Variants in EPHB1 observed in about 807,000 individuals in gnomAD.
EPHB1 encodes the protein ephrin type-B receptor 1.
A neutral mutation model predicts 94.4 loss-of-function variants in EPHB1; 30 were observed. The ratio of observed to expected loss-of-function variants is 0.32; its 90% CI spans 0.24 to 0.43. The LOEUF is 0.43. Ranked by LOEUF, EPHB1 falls within the 20% of genes least tolerant of loss-of-function variation. The pLI, the probability that EPHB1 is intolerant of heterozygous loss-of-function variation, is 1.00. For missense variants in EPHB1, 1,055 were observed against 1,308.3 expected (o/e 0.81, Z 2.99); for synonymous variants, 522 against 489.1 (o/e 1.07, Z -0.89).
chr3:135,174,714 C>T (rs1941925708), intron 9 of EPHB1, among the ~76,000 whole-genome samples: 1 of 151,990 alleles, frequency 6.6e-6, no homozygotes, highest in Non-Finnish European at 1.5e-5. Flanking sequence ...GGATGAAGTC[C>T]CTGTATGTAA....
intron 4 of EPHB1, among the ~76,000 whole-genome samples, chr3:135,106,964 A>G (rs897322846): frequency 2.0e-5 from 3 of 152,154 alleles, no homozygotes; most frequent in Non-Finnish European, 4.4e-5. Context: ...TATAGCTGAG[A>G]ATCTCCTATC....
intron 12 of EPHB1, among the ~76,000 whole-genome samples, chr3:135,203,377 A>G (rs1273250056): frequency 6.6e-6 from 1 of 152,192 alleles, no homozygotes; most frequent in East Asian, 1.9e-4. Flanking sequence ...ACAAACCTGC[A>G]TATTCTGTGT....
intron 5 of EPHB1, among the ~76,000 whole-genome samples, chr3:135,150,675 G>T (rs1271617688): frequency 2.0e-5 from 3 of 151,898 alleles, no homozygotes; most frequent in Non-Finnish European, 1.5e-5. Context: ...TCCTTCTCAG[G>T]CCTCTTTAGT....
At chr3:134,990,608 C>T (rs1023377477) in intron 3 of EPHB1, among the ~76,000 whole-genome samples, 15 of 152,174 alleles carry the variant, frequency 9.9e-5, no homozygotes, top group Admixed American at 8.5e-4. Context: ...CTGTCAGTAT[C>T]TGCAGAGAAT....
At chr3:135,252,705 A>C in intron 15 of EPHB1, among the ~76,000 whole-genome samples, 1 of 141,478 alleles carries the variant, frequency 7.1e-6, no homozygotes, top group African/African-American at 2.5e-5. Flanking sequence ...TAGCAGCATG[A>C]TTTATAGTCC....
chr3:135,196,444 G>A (rs972593466), intron 11 of EPHB1, among the ~76,000 whole-genome samples: 8 of 152,184 alleles, frequency 5.3e-5, no homozygotes, highest in African/African-American at 1.9e-4. Flanking sequence ...AGGAGTGGTG[G>A]GAGCAGGCAG....
intron 3 of EPHB1, among the ~76,000 whole-genome samples, chr3:135,007,877 G>T (rs973541774): frequency 6.6e-6 from 1 of 152,196 alleles, no homozygotes; most frequent in African/African-American, 2.4e-5. Flanking sequence ...AGGTCAGGAC[G>T]AAGGGCAGCA....
rs1932972598 is a variant in EPHB1 at position 135,249,476 on chromosome 3, C to T, written c.2831C>T (p.Thr944Ile). The change falls in exon 15 of 16, where the codon ACC becomes ATC. Residue 944 changes from threonine (T) to isoleucine (I), a missense_variant. Coordinates refer to ENST00000398015, the MANE Select transcript of EPHB1 (RefSeq NM_004441.5). ...GGCTTCACCTCCCTCCAGCTGGTCA[C>T]CCAGATGACATCAGAGTAAGTGATG... ...TAGFTSLQLV[T>I]QMTSEDLLRI... 2 of 1,613,752 alleles carry T rather than the reference C, an allele frequency of 1.2e-6. No homozygotes were observed. The highest frequency in any genetic ancestry group is 1.7e-6 in the Non-Finnish European group (2 of 1,179,726).
Position 134,795,604 on chromosome 3 carries a change from G to T in EPHB1, c.-28G>T, listed in dbSNP as rs201195964. 4.4e-6 allele frequency: 7 copies of T among 1,603,664 alleles called. No homozygotes were observed. In the Admixed American group the frequency reaches 8.4e-5, roughly 19 times the overall value. ...CTCCCGGCGCTGCTGCCTCGGCTTG[G>T]TCTCGGCCTGCGGGCCGTCGGCCGG... On this transcript the variant is annotated 5_prime_UTR_variant, in exon 1 of 16. Transcript: ENST00000398015.
At chr3:135,118,073 A>G (rs1379940795) in intron 4 of EPHB1, among the ~76,000 whole-genome samples, 1 of 152,188 alleles carries the variant, frequency 6.6e-6, no homozygotes, top group Non-Finnish European at 1.5e-5. Flanking sequence ...TGGTCAGCAA[A>G]GGGGAACTGA....
At chr3:135,123,092 C>T (rs972090245) in intron 4 of EPHB1, among the ~76,000 whole-genome samples, 1 of 152,180 alleles carries the variant, frequency 6.6e-6, no homozygotes, top group African/African-American at 2.4e-5. Context: ...CTGTGTTGTA[C>T]AGCATTAGGT....
chr3:135,077,217 G>T (rs1238207697), intron 3 of EPHB1, among the ~76,000 whole-genome samples: 1 of 152,224 alleles, frequency 6.6e-6, no homozygotes, highest in Non-Finnish European at 1.5e-5. Flanking sequence ...CGTGGGACAA[G>T]TCTCAGCCTC....
intron 12 of EPHB1, among the ~76,000 whole-genome samples, chr3:135,226,316 C>T (rs1285175497): frequency 6.6e-6 from 1 of 152,246 alleles, no homozygotes; most frequent in African/African-American, 2.4e-5. Context: ...TCTTCTGTCC[C>T]AGCAGCTGGC....
At chr3:134,998,344 C>T (rs1935060576) in intron 3 of EPHB1, among the ~76,000 whole-genome samples, 1 of 152,196 alleles carries the variant, frequency 6.6e-6, no homozygotes, top group African/African-American at 2.4e-5. Flanking sequence ...GAATGTAAGT[C>T]ATGAAGTGAA....
intron 3 of EPHB1, among the ~76,000 whole-genome samples, chr3:135,100,622 T>G (rs1939001801): frequency 6.6e-6 from 1 of 152,202 alleles, no homozygotes; most frequent in South Asian, 2.1e-4. Flanking sequence ...AATCTGTTTC[T>G]TTATAAAGTA....
intron 1 of EPHB1, among the ~76,000 whole-genome samples, chr3:134,803,992 C>T (rs1015429580): frequency 6.7e-5 from 10 of 149,424 alleles, no homozygotes; most frequent in South Asian, 2.1e-4. Flanking sequence ...TTTTCCTTCT[C>T]GGTTTGCATT....
At chr3:134,968,905 G>A (rs1933864767) in intron 3 of EPHB1, among the ~76,000 whole-genome samples, 1 of 152,176 alleles carries the variant, frequency 6.6e-6, no homozygotes, top group Admixed American at 6.5e-5. Context: ...GCTTTTAATT[G>A]CTGAGTAGTA....
chr3:134,796,567 G>A (rs1004088966), intron 1 of EPHB1, among the ~76,000 whole-genome samples: 11 of 152,236 alleles, frequency 7.2e-5, no homozygotes, highest in Admixed American at 5.2e-4. Context: ...GCGCAGCGGG[G>A]AGCCTGGGCG....
chr3:134,907,754 ATTAC>A (rs1287110989), intron 1 of EPHB1, among the ~76,000 whole-genome samples: 1 of 151,502 alleles, frequency 6.6e-6, no homozygotes, highest in Non-Finnish European at 1.5e-5. Flanking sequence ...ACTTGGCTGT[ATTAC>A]TCAATTTAAA....
Sources: gnomAD v4.1 joint callset for allele counts (sites outside exome capture counted in the v4.1 genomes callset) on GRCh38, gnomAD v4.1.1 for gene constraint, MANE v1.5 for transcripts, NCBI Gene and HGNC (gene_info 2026-07-23, HGNC 2026-07-21) for gene names.